The following MYOF variants were observed in gnomAD, a reference collection of about 807,000 sequenced individuals.
The protein encoded by MYOF is myoferlin, also known as fer-1-like 3, myoferlin.
MYOF carries 244 observed loss-of-function variants against 284.2 expected under a neutral mutation model. That is an observed-to-expected ratio of 0.86 (90% CI 0.77 to 0.95). The LOEUF (loss-of-function observed/expected upper bound fraction) is 0.95, where lower values mean the gene tolerates loss of function less well. MYOF is among the 40% of genes least tolerant of loss of function. The pLI, the probability that MYOF is intolerant of heterozygous loss-of-function variation, is 0.00. For missense variants in MYOF, 2,496 were observed against 2,560.6 expected, an observed-to-expected ratio of 0.97 and a Z score of 0.54; for synonymous variants, 904 against 919.7, an observed-to-expected ratio of 0.98 and a Z score of 0.31.
chr10:93,459,343 G>A (rs2056822327), intron 1 of MYOF, among the ~76,000 whole-genome samples: 1 of 152,198 alleles, frequency 6.6e-6, no homozygotes, highest in Non-Finnish European at 1.5e-5. Context: ...TGGACAAAAT[G>A]GTTTCTATGT....
chr10:93,437,095 C>T (rs1030664579), intron 3 of MYOF, among the ~76,000 whole-genome samples: 9 of 152,092 alleles, frequency 5.9e-5, no homozygotes, highest in Non-Finnish European at 1.2e-4. Flanking sequence ...TCTTTCAGCC[C>T]ACGAATGTCA....
chr10:93,341,692 T>C (rs1043416373), intron 38 of MYOF, among the ~76,000 whole-genome samples: 1 of 152,238 alleles, frequency 6.6e-6, no homozygotes, highest in Non-Finnish European at 1.5e-5. Flanking sequence ...AAGCAACTGA[T>C]GTGACTTGCT....
At chr10:93,401,812 TGTGTGTGTGTGTGTGTGTGA>T (rs1321428091) in intron 11 of MYOF, among the ~76,000 whole-genome samples, 3 of 84,804 alleles carry the variant, frequency 3.5e-5, no homozygotes, top group Non-Finnish European at 6.1e-5. Context: ...TGTGTGTGTG[TGTGTGTGTGTGTGTGTGTGA>T]TCCTGATGTC....
At chr10:93,353,787 G>A in intron 32 of MYOF, 24 bp downstream of exon 32, 1 of 1,576,176 alleles carries the variant, frequency 6.3e-7, no homozygotes, top group Non-Finnish European at 8.7e-7. Flanking sequence ...ATCATGTGTA[G>A]CATGTAGATT....
intron 32 of MYOF, among the ~76,000 whole-genome samples, chr10:93,352,542 G>T (rs1035619671): frequency 6.6e-6 from 1 of 152,178 alleles, no homozygotes; most frequent in Admixed American, 6.5e-5. Flanking sequence ...GCAATATTAT[G>T]TATGGAGAAA....
chr10:93,333,366 C>T, intron 42 of MYOF, 54 bp from the exon 43 acceptor site: 1 of 1,491,648 alleles, frequency 6.7e-7, no homozygotes, highest in East Asian at 2.3e-5. Context: ...AAGGTGAAGT[C>T]AAGTTCAGGG....
Position 93,369,110 on chromosome 10 carries a change from CTTTTTT to C in MYOF, c.2589+529_2589+534del, listed in dbSNP as rs66923086. Among the ~76,000 whole-genome samples, 19 of 78,306 alleles carry C rather than the reference CTTTTTT, an allele frequency of 2.4e-4. 2 individuals carry two copies. The highest frequency in any genetic ancestry group is 8.4e-4 in the African/African-American group (13 of 15,448). 51.4% of individuals were successfully genotyped at this position (78,306 alleles called of 152,430 possible). ...TATTGTTTTAGAAGTATTCAGACAG[CTTTTTT>C]TTTTTTTTTTTTTTTTGCCCCTGGA... On this transcript the variant is annotated intron_variant, in intron 25 of 53. Transcript: ENST00000359263.
At chr10:93,427,508 G>A (rs1376881820) in intron 4 of MYOF, among the ~76,000 whole-genome samples, 1 of 138,478 alleles carries the variant, frequency 7.2e-6, no homozygotes, top group Non-Finnish European at 1.5e-5. Context: ...TCCAGCCTGC[G>A]TGACAGAGCT....
intron 24 of MYOF, among the ~76,000 whole-genome samples, chr10:93,370,514 C>G (rs1589454469): frequency 6.6e-6 from 1 of 151,796 alleles, no homozygotes; most frequent in South Asian, 2.1e-4. Context: ...GGGGTCTTGC[C>G]ATGTTGCCCT....
intron 24 of MYOF, among the ~76,000 whole-genome samples, chr10:93,372,291 C>T (rs966580864): frequency 4.6e-5 from 7 of 152,288 alleles, no homozygotes; most frequent in African/African-American, 1.7e-4. Context: ...TCCCCATATA[C>T]ACACACAGAG....
At chr10:93,449,372 C>G (rs569945875) in intron 3 of MYOF, among the ~76,000 whole-genome samples, 1 of 152,282 alleles carries the variant, frequency 6.6e-6, no homozygotes, top group African/African-American at 2.4e-5. Flanking sequence ...GTTGGAGAGG[C>G]CTGGTCTAGA....
intron 46 of MYOF, 166 bp from the exon 47 acceptor site, chr10:93,323,524 T>A: frequency 1.5e-6 from 1 of 654,248 alleles, no homozygotes; most frequent in Non-Finnish European, 2.6e-6. Flanking sequence ...AAGGTTAATC[T>A]TTTATGTACA....
At position 93,402,278 on chromosome 10, in the gene MYOF, T is replaced by C; in HGVS notation, c.944A>G (p.Tyr315Cys). The C allele has an allele frequency of 6.2e-7, 1 of 1,614,144 alleles. No individual in the cohort carries two copies. Among genetic ancestry groups the C allele is most frequent in the South Asian group, 1.1e-5 (1 of 91,082 alleles). ...PEDTSSGSKG[Y>C]MKVSMFVLGT... is the part of the protein sequence containing the mutation. ...CAGGACAAACATGCTGACTTTCATA[T>C]AACCTTTAGAACCTGAACTGGTATC... The change falls in exon 11 of 54, where the codon TAT (tyrosine) becomes TGT (cysteine). Residue 315 changes from tyrosine to cysteine, a missense_variant. Coordinates refer to ENST00000359263, the MANE Select transcript of MYOF (RefSeq NM_013451.4).
chr10:93,395,907 A>C (rs898718197), intron 16 of MYOF, among the ~76,000 whole-genome samples: 8 of 149,380 alleles, frequency 5.4e-5, no homozygotes, highest in African/African-American at 2.0e-4. Context: ...TTTTTTCTAA[A>C]AGTTTACAAT....
Position 93,366,453 on chromosome 10 carries a change from A to T in MYOF, c.2692T>A (p.Phe898Ile). The T allele has an allele frequency of 6.2e-7, 1 of 1,613,976 alleles. No individual in the cohort carries two copies. ...VTGKIKLKRE[F>I]FLPPKGWEWE... ...TCCCAGCCTTTTGGAGGCAGAAAAA[A>T]TTCCCTCTTGAGTTTTATTTTTCCT... The change falls in exon 26 of 54, where the codon TTT (phenylalanine) becomes ATT (isoleucine). Residue 898 changes from phenylalanine (F) to isoleucine (I), a missense_variant. Phe to Ile is a conservative substitution (Grantham distance 21). Coordinates refer to ENST00000359263, the MANE Select transcript of MYOF (RefSeq NM_013451.4).
intron 4 of MYOF, among the ~76,000 whole-genome samples, chr10:93,430,098 C>A (rs1021176637): frequency 6.6e-6 from 1 of 151,652 alleles, no homozygotes; most frequent in East Asian, 2.0e-4. Flanking sequence ...CCATGCCTGG[C>A]TAATTTTTTG....
chr10:93,376,650 A>G (rs1263866707), intron 22 of MYOF, among the ~76,000 whole-genome samples: 1 of 152,184 alleles, frequency 6.6e-6, no homozygotes, highest in Non-Finnish European at 1.5e-5. Flanking sequence ...AGCATTCAAT[A>G]TGCTTTTCTT....
chr10:93,377,962 T>C (rs993056366), intron 21 of MYOF, among the ~76,000 whole-genome samples: 3 of 152,178 alleles, frequency 2.0e-5, no homozygotes, highest in Non-Finnish European at 1.5e-5. Context: ...GATATAGAAA[T>C]AAATAGACAT....
At position 93,409,604 on chromosome 10, in the gene MYOF, C is replaced by T. The variant is rs374976050; in HGVS notation, c.569G>A (p.Arg190Gln). Residue 190 changes from arginine to glutamine, a missense_variant, in exon 6 of 54, where the codon CGG becomes CAG. By Grantham distance (43) the Arg-to-Gln change is conservative (BLOSUM62 1). This residue lies in a region of MYOF where 2,436 missense variants were observed against 2,480.7 expected (regional missense o/e 0.98). Transcript: ENST00000359263. Reference sequence around the variant, plus strand: ...GTCCTGTGGCTTATTTGACAGCATCCGCCGGCTGTTCTTTACTTTGGTGAG... The same window carrying T: ...GTCCTGTGGCTTATTTGACAGCATCTGCCGGCTGTTCTTTACTTTGGTGAG... ...RRLTKVKNSRRMLSNKPQDFQ... is the reference protein window; with the variant it reads ...RRLTKVKNSRQMLSNKPQDFQ... 1.9e-5 allele frequency: 30 copies of T among 1,614,018 alleles called. No individual in the cohort carries two copies. The highest frequency in any genetic ancestry group is 9.3e-5 in the African/African-American group (7 of 74,944).
Sources: allele counts gnomAD v4.1 joint callset (sites outside exome capture counted in the v4.1 genomes callset), GRCh38; gene constraint gnomAD v4.1.1; regional missense constraint gnomAD v4.1.1; transcripts MANE v1.5; gene names NCBI Gene and HGNC (gene_info 2026-07-23, HGNC 2026-07-21).